EXOC6B: variants seen among roughly 807,000 people sequenced by gnomAD.
EXOC6B encodes exocyst complex component 6B, also known as SEC15 homolog B.
A neutral mutation model predicts 113.5 loss-of-function variants in EXOC6B; 54 were observed. The ratio of observed to expected loss-of-function variants is 0.48; its 90% CI spans 0.38 to 0.60. The LOEUF (loss-of-function observed/expected upper bound fraction) is 0.60, where lower values mean the gene tolerates loss of function less well. EXOC6B is among the 20% of genes least tolerant of loss of function. The pLI is 0.00. For missense variants in EXOC6B, 797 were observed against 977.5 expected (o/e 0.82, Z 2.46); for synonymous variants, 357 against 339.0 (o/e 1.05, Z -0.58).
chr2:72,241,154 C>T (rs111486265), intron 20 of EXOC6B, among the ~76,000 whole-genome samples: 3 of 151,944 alleles, frequency 2.0e-5, no homozygotes, highest in South Asian at 2.1e-4. Flanking sequence ...ACATGGGTAA[C>T]GTAAGAAGAA....
intron 18 of EXOC6B, among the ~76,000 whole-genome samples, chr2:72,406,742 G>A (rs543884533): frequency 1.3e-5 from 2 of 152,254 alleles, no homozygotes; most frequent in East Asian, 3.9e-4. Flanking sequence ...ATGCCCACAA[G>A]AGAAAGCAGG....
intron 20 of EXOC6B, chr2:72,289,035 A>G: frequency 3.4e-6 from 1 of 290,532 alleles, no homozygotes; most frequent in South Asian, 4.5e-5. Flanking sequence ...CATTGTATTG[A>G]CAACCTCAGC....
chr2:72,667,442 G>C (rs1468004815), intron 6 of EXOC6B, among the ~76,000 whole-genome samples: 2 of 152,232 alleles, frequency 1.3e-5, no homozygotes, highest in East Asian at 1.9e-4. Context: ...AAAGGACAAA[G>C]CTGGAGGAAT....
At chr2:72,547,127 G>GA (rs1377588853) in intron 8 of EXOC6B, among the ~76,000 whole-genome samples, 6 of 152,186 alleles carry the variant, frequency 3.9e-5, no homozygotes, top group African/African-American at 1.4e-4. Context: ...CCTTGATTAA[G>GA]AAAATTTAAG....
At chr2:72,226,776 C>T (rs1461846557) in intron 20 of EXOC6B, among the ~76,000 whole-genome samples, 2 of 152,178 alleles carry the variant, frequency 1.3e-5, no homozygotes, top group Admixed American at 1.3e-4. Context: ...CTCATTAAGT[C>T]AGTAGACCTG....
At chr2:72,492,479 CG>C in intron 15 of EXOC6B, 50 bp from the exon 16 acceptor site, 2 of 1,203,146 alleles carry the variant, frequency 1.7e-6, no homozygotes, top group Non-Finnish European at 1.2e-6. Context: ...AGAATTATTT[CG>C]GCAAACAAAC....
At chr2:72,699,358 A>G (rs533361107) in intron 6 of EXOC6B, among the ~76,000 whole-genome samples, 1 of 152,088 alleles carries the variant, frequency 6.6e-6, no homozygotes, top group Non-Finnish European at 1.5e-5. Flanking sequence ...GGGTACCTGT[A>G]ATCCCAGCTA....
intron 8 of EXOC6B, among the ~76,000 whole-genome samples, chr2:72,532,566 T>G (rs1702064003): frequency 6.6e-6 from 1 of 152,062 alleles, no homozygotes; most frequent in Non-Finnish European, 1.5e-5. Flanking sequence ...TCCCAGCACT[T>G]TGGGAGGCCG....
At chr2:72,681,234 A>G (rs1425523284) in intron 6 of EXOC6B, among the ~76,000 whole-genome samples, 1 of 152,150 alleles carries the variant, frequency 6.6e-6, no homozygotes, top group East Asian at 1.9e-4. Flanking sequence ...GCCCTAAAAT[A>G]GAATATTCTC....
At chr2:72,717,605 T>C (rs1679705833) in intron 6 of EXOC6B, among the ~76,000 whole-genome samples, 1 of 152,186 alleles carries the variant, frequency 6.6e-6, no homozygotes, top group Admixed American at 6.5e-5. Flanking sequence ...TTTTTTAATA[T>C]ATAAGCTGTT....
In EXOC6B at chr2:72,826,023, C is replaced by A. The variant is rs934604762; in HGVS notation, c.-113G>T. 6.8e-7 allele frequency: 1 copy of A among 1,476,506 alleles called. No individual in the cohort carries two copies. Among genetic ancestry groups the A allele is most frequent in the Admixed American group, 2.1e-5 (1 of 47,566 alleles). The allele number at this position is 1,476,506 out of a possible 1,614,324, so 91.5% of individuals were successfully genotyped here. A position where few individuals can be genotyped will look rare whatever the true frequency, so the allele number is the denominator to read the frequency against. On this transcript the variant is annotated 5_prime_UTR_variant, in exon 1 of 22. Transcript: ENST00000272427. The stretch of plus-strand genomic sequence containing the variant: ...ACAGCCGCCCCAGCCTCTGGCTACC[C>A]GCAGGCCGACCCCTCCCTCAGGCTC...
chr2:72,184,134 A>C lies in EXOC6B; in HGVS notation c.2250T>G (p.Gly750=), dbSNP rs1195222893. 3 of 1,565,038 alleles carry C rather than the reference A, an allele frequency of 1.9e-6. No individual in the cohort carries two copies. Among genetic ancestry groups the C allele is most frequent in the Non-Finnish European group, 2.6e-6 (3 of 1,154,178 alleles). The change falls in exon 21 of 22, where the codon GGT becomes GGG. Residue 750 remains glycine (G), a synonymous_variant. Coordinates refer to ENST00000272427, the MANE Select transcript of EXOC6B (RefSeq NM_015189.3). ...WDWSTYLADY[G]QPNCKYLRVN... is the part of the protein sequence containing the mutation. ...CCCGGAGGTACTTGCAGTTGGGCTGACCATAGTCAGCAAGGTAGGTTGACC... is the reference window on the plus strand; with the variant it reads ...CCCGGAGGTACTTGCAGTTGGGCTGCCCATAGTCAGCAAGGTAGGTTGACC...
chr2:72,505,171 A>T (rs2105618779), intron 11 of EXOC6B, among the ~76,000 whole-genome samples: 1 of 152,216 alleles, frequency 6.6e-6, no homozygotes, highest in Non-Finnish European at 1.5e-5. Context: ...CATATCCTGA[A>T]TCATAAAGAT....
intron 19 of EXOC6B, 114 bp downstream of exon 19, chr2:72,379,615 G>T: frequency 4.2e-6 from 4 of 961,128 alleles, no homozygotes; most frequent in Non-Finnish European, 5.9e-6. Flanking sequence ...TGTTATCTAG[G>T]TATTCTTTGA....
At chr2:72,589,197 T>C (rs1558822752) in intron 6 of EXOC6B, among the ~76,000 whole-genome samples, 1 of 152,034 alleles carries the variant, frequency 6.6e-6, no homozygotes, top group Non-Finnish European at 1.5e-5. Context: ...ATATTCATTA[T>C]TTTGACACTT....
chr2:72,719,194 T>C (rs921740018), intron 5 of EXOC6B, among the ~76,000 whole-genome samples: 2 of 152,156 alleles, frequency 1.3e-5, no homozygotes, highest in African/African-American at 4.8e-5. Context: ...GCAGCTTTCC[T>C]GAGATGAGGG....
rs112792131 is a variant in EXOC6B at position 72,818,914 on chromosome 2, T to C, written c.113+6884A>G. Among the ~76,000 whole-genome samples the C allele has an allele frequency of 1.5e-4, 23 of 152,316 alleles. 2 individuals carry two copies. Among genetic ancestry groups the C allele is most frequent in the African/African-American group, 4.8e-4 (20 of 41,572 alleles). ...AAAGCTACCTTTCCTAATCCCCTAATTGAAAGCAATAACCCAGTCATTATG... is the reference window on the plus strand; with the variant it reads ...AAAGCTACCTTTCCTAATCCCCTAACTGAAAGCAATAACCCAGTCATTATG... On this transcript the variant is annotated intron_variant, in intron 1 of 21. Transcript: ENST00000272427.
chr2:72,671,747 CAGAGAAAG>C (rs1675825666), intron 6 of EXOC6B, among the ~76,000 whole-genome samples: 1 of 84,858 alleles, frequency 1.2e-5, no homozygotes, highest in Admixed American at 1.5e-4. Context: ...GAGAGAGAGA[CAGAGAAAG>C]AAAGAAAGAA....
At chr2:72,307,161 G>GTTTTTGTGTTTTTTTTTTTTT (rs758906963) in intron 20 of EXOC6B, among the ~76,000 whole-genome samples, 1 of 128,514 alleles carries the variant, frequency 7.8e-6, no homozygotes, top group African/African-American at 3.8e-5. Context: ...GTATAGTCCA[G>GTTTTTGTGTTTTTTTTTTTTT]TTTTTTTTTT....
Sources: gnomAD v4.1 joint callset for allele counts (sites outside exome capture counted in the v4.1 genomes callset) on GRCh38, gnomAD v4.1.1 for gene constraint, MANE v1.5 for transcripts, NCBI Gene and HGNC (gene_info 2026-07-23, HGNC 2026-07-21) for gene names.